Variants in TUBGCP2 observed in about 807,000 individuals in gnomAD.
The protein encoded by TUBGCP2 is tubulin gamma complex component 2.
TUBGCP2 carries 55 observed loss-of-function variants against 92.2 expected under a neutral mutation model. The ratio of observed to expected loss-of-function variants is 0.60; its 90% CI spans 0.48 to 0.75. The LOEUF (loss-of-function observed/expected upper bound fraction) is 0.75, where lower values mean the gene tolerates loss of function less well. Ranked by LOEUF, TUBGCP2 falls within the 30% of genes least tolerant of loss-of-function variation. TUBGCP2 has a pLI of 0.00. For synonymous variants in TUBGCP2, 533 were observed against 505.2 expected (o/e 1.06, Z -0.74); for missense variants, 1,093 against 1,188.9 (o/e 0.92, Z 1.19).
Position 133,279,373 on chromosome 10 carries a change from T to C in TUBGCP2, c.*393A>G, listed in dbSNP as rs879278287. 9.3e-5 allele frequency: 18 copies of C among 192,632 alleles called. No individual in the cohort carries two copies. The highest frequency in any genetic ancestry group is 2.0e-3 in the Middle Eastern group (1 of 496). The allele number at this position is 192,632 out of a possible 1,614,324, so 11.9% of individuals were successfully genotyped here. A position where few individuals can be genotyped will look rare whatever the true frequency, so the allele number is the denominator to read the frequency against. ...AACTCCCTGACCGTTTCCAGAGGCT[T>C]GTCCCGGTTCCGACAGACCTCAGGA... On this transcript the variant is annotated 3_prime_UTR_variant, in exon 18 of 18. Transcript: ENST00000252936.
chr10:133,284,966 C>G, intron 13 of TUBGCP2, 119 bp downstream of exon 13: 2 of 1,426,848 alleles, frequency 1.4e-6, no homozygotes, highest in Non-Finnish European at 1.9e-6. Flanking sequence ...TTCCAGATGA[C>G]ACTTCCAGAA....
intron 11 of TUBGCP2, 81 bp downstream of exon 11, chr10:133,288,048 A>C: frequency 1.3e-6 from 2 of 1,489,552 alleles, no homozygotes; most frequent in South Asian, 2.7e-5. Context: ...AGTGGGGGAC[A>C]GGGCTGGCCT....
chr10:133,312,242 C>G (rs574634355), upstream of TUBGCP2: 51 of 1,357,540 alleles, frequency 3.8e-5, no homozygotes, highest in Non-Finnish European at 4.4e-5. Context: ...GCCTTCCTAG[C>G]ATGACCTGTG....
chr10:133,309,941 TTCG>T, upstream of TUBGCP2: 2 of 1,613,414 alleles, frequency 1.2e-6, no homozygotes, highest in Non-Finnish European at 1.7e-6. Flanking sequence ...AGTGGCACGA[TTCG>T]CTCTTCCAGA....
At chr10:133,284,041 G>A (rs372095580) in intron 13 of TUBGCP2, 39 bp from the exon 14 acceptor site, 255 of 1,604,312 alleles carry the variant, frequency 1.6e-4, no homozygotes, top group African/African-American at 3.9e-4. Context: ...CATGGAGGAC[G>A]CGGCCCCGAC....
At chr10:133,299,726 C>CGACGCGT in intron 3 of TUBGCP2, 123 bp from the exon 4 acceptor site, 1 of 908,682 alleles carries the variant, frequency 1.1e-6, no homozygotes, top group Non-Finnish European at 1.7e-6. Context: ...AATAGCAAAG[C>CGACGCGT]GACGCGTGCG....
rs747298520 is a variant in TUBGCP2 at position 133,293,680 on chromosome 10, G to C, written c.706C>G (p.Gln236Glu). ...CGGCTCTGCCTCCCAGCCAGGGGCT[G>C]AGCACTGACGTACCTCCCGTCCACG... is the stretch of plus-strand genomic sequence containing the variant. Reference protein sequence around the residue: ...VGVDGRYVSAQPLAGRQSRTF... With the variant: ...VGVDGRYVSAEPLAGRQSRTF... Residue 236 changes from glutamine (Q) to glutamate (E), a missense_variant, in exon 6 of 18, where the codon CAG (glutamine) becomes GAG (glutamate). Coordinates refer to ENST00000252936, the MANE Select transcript of TUBGCP2 (RefSeq NM_006659.4). 1 of 1,602,614 alleles carries C rather than the reference G, an allele frequency of 6.2e-7. No homozygotes were observed. Among genetic ancestry groups the C allele is most frequent in the Non-Finnish European group, 8.5e-7 (1 of 1,175,432 alleles).
rs141031891 is a variant in TUBGCP2, at chr10:133,289,410, C to T, written c.1361-390G>A. 3.9e-3 allele frequency among the ~76,000 whole-genome samples: 592 copies of T among 152,348 alleles called. 5 individuals are homozygous for T. Among genetic ancestry groups the T allele is most frequent in the African/African-American group, 0.013 (527 of 41,576 alleles). On this transcript the variant is annotated intron_variant, in intron 9 of 17. Transcript: ENST00000252936. ...CCCCGATGTGCCGAGTCCAAGTCCC[C>T]GCGCCACTGCCCTGGGTCCAGGTCA...
At chr10:133,290,162 C>T (rs528013697) in intron 8 of TUBGCP2, 193 bp from the exon 9 acceptor site, 102 of 720,780 alleles carry the variant, frequency 1.4e-4, no homozygotes, top group Admixed American at 7.9e-4. Flanking sequence ...GGGCCGGGCA[C>T]GGTGGCTCAC....
upstream of TUBGCP2, chr10:133,309,506 G>A (rs368532788): frequency 7.3e-5 from 116 of 1,586,192 alleles, no homozygotes; most frequent in Non-Finnish European, 9.1e-5. Context: ...CTCCTGCGCC[G>A]CCTCCCTGAC....
At position 133,299,557 on chromosome 10, in the gene TUBGCP2, G is replaced by A. The variant is rs375711076; in HGVS notation, c.326C>T (p.Ala109Val). 23 of 1,613,358 alleles carry A rather than the reference G, an allele frequency of 1.4e-5. No individual in the cohort carries two copies. Among genetic ancestry groups the A allele is most frequent in the Non-Finnish European group, 1.9e-5 (23 of 1,179,742 alleles). ...QQNAKERAEL[A>V]AAAVGSSTTS... is the part of the protein sequence containing the mutation. Reference sequence around the variant, plus strand: ...GGTACTGCTGCCCACAGCAGCGGCTGCAAGCTCAGCTCTTTCTTTTGCATT... The same window carrying A: ...GGTACTGCTGCCCACAGCAGCGGCTACAAGCTCAGCTCTTTCTTTTGCATT... The change falls in exon 4 of 18, where the codon GCA becomes GTA. Residue 109 changes from alanine to valine, a missense_variant. By Grantham distance (64) the Ala-to-Val change is moderately conservative. Transcript: ENST00000252936.
intron 1 of TUBGCP2, among the ~76,000 whole-genome samples, chr10:133,306,328 T>C (rs1176670402): frequency 6.6e-6 from 1 of 152,118 alleles, no homozygotes; most frequent in Non-Finnish European, 1.5e-5. Context: ...CACATTCTAC[T>C]CGGCTCCCCG....
chr10:133,280,585 G>A (rs1846941697), intron 17 of TUBGCP2, among the ~76,000 whole-genome samples: 1 of 152,206 alleles, frequency 6.6e-6, no homozygotes, highest in African/African-American at 2.4e-5. Context: ...GGGTGCCAAT[G>A]GGGCAGCCCA....
intron 8 of TUBGCP2, among the ~76,000 whole-genome samples, chr10:133,291,236 GCCCTCCGTGTCCCCCATGT>G (rs1181144458): frequency 0.011 from 1,229 of 114,374 alleles, 20 homozygotes; most frequent in East Asian, 0.016. Flanking sequence ...GGCAGCACGC[GCCCTCCGTGTCCCCCATGT>G]CCCTCCGTGT....
chr10:133,309,844 A>G, upstream of TUBGCP2: 1 of 1,613,708 alleles, frequency 6.2e-7, no homozygotes, highest in South Asian at 1.1e-5. Flanking sequence ...GACTACGAGC[A>G]CCACTACCAC....
At chr10:133,293,472 G>A in intron 6 of TUBGCP2, 90 bp downstream of exon 6, 1 of 1,431,900 alleles carries the variant, frequency 7.0e-7, no homozygotes, top group Non-Finnish European at 9.5e-7. Context: ...CTCTTTAGAA[G>A]CGATGCAGAC....
intron 2 of TUBGCP2, chr10:133,302,484 C>A (rs1380874340): frequency 2.6e-6 from 1 of 389,702 alleles, no homozygotes; most frequent in Non-Finnish European, 4.8e-6. Flanking sequence ...GGCGCTCACC[C>A]TGCACCCTGA....
upstream of TUBGCP2, chr10:133,310,327 T>C: frequency 6.2e-7 from 1 of 1,611,354 alleles, no homozygotes; most frequent in East Asian, 2.2e-5. Flanking sequence ...CTGCTTTTGA[T>C]TTTAGGAAAA....
At chr10:133,288,003 G>C in intron 11 of TUBGCP2, 126 bp downstream of exon 11, 3 of 1,302,430 alleles carry the variant, frequency 2.3e-6, no homozygotes, top group African/African-American at 1.5e-5. Flanking sequence ...CCAAGTGAAG[G>C]AAACAGACCC....
Sources: gnomAD v4.1 joint callset for allele counts (sites outside exome capture counted in the v4.1 genomes callset) on GRCh38, gnomAD v4.1.1 for gene constraint, MANE v1.5 for transcripts, NCBI Gene and HGNC (gene_info 2026-07-23, HGNC 2026-07-21) for gene names.